TNNT3: variants seen among roughly 807,000 people sequenced by gnomAD.
The protein encoded by TNNT3 is troponin T3, fast skeletal type.
Under a neutral mutation model 54.2 loss-of-function variants are expected in TNNT3, and 36 were observed. That is an observed-to-expected ratio of 0.66 (90% CI 0.51 to 0.88). TNNT3 has a LOEUF of 0.88. TNNT3 is among the 40% of genes least tolerant of loss of function. The probability of loss-of-function intolerance (pLI) is 0.00; values close to 1 mark genes in which losing one functional copy is unlikely to be tolerated. For missense variants in TNNT3, 291 were observed against 331.6 expected (o/e 0.88, Z 0.95); for synonymous variants, 120 against 109.7 (o/e 1.09, Z -0.59).
At chr11:1,936,733 G>A (rs1855184457) in intron 14 of TNNT3, among the ~76,000 whole-genome samples, 1 of 152,224 alleles carries the variant, frequency 6.6e-6, no homozygotes, top group Non-Finnish European at 1.5e-5. Flanking sequence ...GGCAGTCCAG[G>A]CCAGTACAGG....
In TNNT3 at chr11:1,933,714, C is replaced by A; in HGVS notation, c.172-7C>A. The A allele has an allele frequency of 6.2e-7, 1 of 1,611,222 alleles. No individual in the cohort carries two copies. Among genetic ancestry groups the A allele is most frequent in the Non-Finnish European group, 8.5e-7 (1 of 1,178,404 alleles). ...GTGGGGCTCACACCCACTGCCCCTGCCCACAGGACATCCAGAAGAAGCGTC... is the reference window on the plus strand; with the variant it reads ...GTGGGGCTCACACCCACTGCCCCTGACCACAGGACATCCAGAAGAAGCGTC... On this transcript the variant is annotated splice_region_variant and splice_polypyrimidine_tract_variant and intron_variant, in intron 9 of 15. Transcript: ENST00000278317.
intron 4 of TNNT3, among the ~76,000 whole-genome samples, chr11:1,924,134 G>C (rs1850843153): frequency 6.6e-6 from 1 of 151,888 alleles, no homozygotes; most frequent in South Asian, 2.1e-4. Flanking sequence ...CTCTCTCTCA[G>C]TCTCTGTCTT....
chr11:1,923,149 G>A, intron 3 of TNNT3, 88 bp downstream of exon 3: 3 of 1,570,058 alleles, frequency 1.9e-6, no homozygotes, highest in Non-Finnish European at 2.6e-6. Flanking sequence ...CATACCCTGT[G>A]TCCCCTTGAC....
chr11:1,923,082 CT>C, intron 3 of TNNT3, 21 bp downstream of exon 3: 1 of 1,613,976 alleles, frequency 6.2e-7, no homozygotes, highest in Non-Finnish European at 8.5e-7. Context: ...CAGCCATTTT[CT>C]TTCTACTTCC....
chr11:1,937,725 G>A (rs887657719), intron 15 of TNNT3, among the ~76,000 whole-genome samples: 1 of 152,212 alleles, frequency 6.6e-6, no homozygotes, highest in Non-Finnish European at 1.5e-5. Context: ...TCCCTGCGGC[G>A]CCCAGGGCGG....
chr11:1,920,638 G>T (rs979655187), intron 1 of TNNT3, among the ~76,000 whole-genome samples: 1 of 152,256 alleles, frequency 6.6e-6, no homozygotes, highest in Admixed American at 6.5e-5. Context: ...AAGGGGCAGC[G>T]GCTTTTGCCT....
chr11:1,931,386 C>T (rs1290590858), intron 8 of TNNT3, among the ~76,000 whole-genome samples: 3 of 152,260 alleles, frequency 2.0e-5, no homozygotes, highest in Non-Finnish European at 2.9e-5. Flanking sequence ...TGGCCAACGC[C>T]GTCTCCTACG....
chr11:1,934,297 C>T, intron 11 of TNNT3, 35 bp from the exon 12 acceptor site: 2 of 1,585,078 alleles, frequency 1.3e-6, no homozygotes, highest in South Asian at 2.2e-5. Flanking sequence ...GCCCTCTCTC[C>T]ATCCCTGAGC....
At chr11:1,923,023 TTC>T (rs761277696) in intron 2 of TNNT3, 23 bp from the exon 3 acceptor site, 15 of 1,612,720 alleles carry the variant, frequency 9.3e-6, no homozygotes, top group Non-Finnish European at 6.8e-6. Flanking sequence ...CTCTCTTTCT[TTC>T]TCTCTCTCTC....
intron 14 of TNNT3, among the ~76,000 whole-genome samples, chr11:1,935,905 G>A (rs904742719): frequency 2.0e-5 from 3 of 152,162 alleles, no homozygotes; most frequent in African/African-American, 7.2e-5. Context: ...GACAGAGGCA[G>A]GGCGATTACA....
At chr11:1,929,086 T>C in intron 6 of TNNT3, 34 bp from the exon 7 acceptor site, 3 of 1,613,136 alleles carry the variant, frequency 1.9e-6, no homozygotes, top group Non-Finnish European at 2.5e-6. Context: ...GCTTTTCTCT[T>C]GCATGTGTGC....
Position 1,935,730 on chromosome 11 carries a change from G to A in TNNT3, c.681+811G>A, listed in dbSNP as rs561068010. The A allele has an allele frequency of 6.3e-5, 13 of 205,342 alleles. No individual in the cohort carries two copies. In the East Asian group the frequency reaches 8.3e-4, roughly 13 times the overall value. The allele number at this position is 205,342 out of a possible 1,614,324, so 12.7% of individuals were successfully genotyped here. Reference sequence around the variant, plus strand: ...GCCACGATGTCCACCCTCCAGCACCGCCAGAGGCCCCAGGGGAGGGCGGCT... The same window carrying A: ...GCCACGATGTCCACCCTCCAGCACCACCAGAGGCCCCAGGGGAGGGCGGCT... On this transcript the variant is annotated intron_variant, in intron 14 of 15. Coordinates refer to ENST00000278317, the MANE Select transcript of TNNT3 (RefSeq NM_006757.4).
At chr11:1,932,570 T>C (rs987552598) in intron 9 of TNNT3, 56 bp downstream of exon 9, 64 of 1,582,606 alleles carry the variant, frequency 4.0e-5, no homozygotes, top group Non-Finnish European at 5.3e-5. Context: ...CCCCAGCTTT[T>C]GGGCTCTAGG....
intron 15 of TNNT3, 107 bp downstream of exon 15, chr11:1,937,110 C>A: frequency 7.8e-7 from 1 of 1,277,840 alleles, no homozygotes. Flanking sequence ...CTCGGCAGGG[C>A]AGTAACGAGA....
rs200634106 is a variant in TNNT3 at position 1,925,073 on chromosome 11, C to T, written c.50-26C>T. 3,779 of 1,612,206 alleles carry T rather than the reference C, an allele frequency of 2.3e-3. 7 individuals are homozygous for T. Among genetic ancestry groups the T allele is most frequent in the Non-Finnish European group, 2.9e-3 (3,466 of 1,179,856 alleles). ...CTGTCTCCCTCAACCCCGCCTTCTC[C>T]TGCTCCTGGCTTCTCCGGCTCTCAG... On this transcript the variant is annotated intron_variant, in intron 4 of 15. Transcript: ENST00000278317.
rs747468615 is a variant in TNNT3, at chr11:1,934,634, A to T, written c.569A>T (p.His190Leu). Reference sequence around the variant, plus strand: ...AGACGCAAGCCGCTCAACATCGATCACCTTGGTGAAGACAAACTGAGGTGA... The same window carrying T: ...AGACGCAAGCCGCTCAACATCGATCTCCTTGGTGAAGACAAACTGAGGTGA... ...AERRKPLNID[H>L]LGEDKLRDKA... is the part of the protein sequence containing the mutation. Residue 190 changes from histidine (H) to leucine (L), a missense_variant, in exon 13 of 16, where the codon CAC becomes CTC. Transcript: ENST00000278317. The T allele has an allele frequency of 6.2e-7, 1 of 1,609,032 alleles. No individual in the cohort carries two copies. Among genetic ancestry groups the T allele is most frequent in the Non-Finnish European group, 8.5e-7 (1 of 1,178,124 alleles).
intron 8 of TNNT3, 49 bp from the exon 9 acceptor site, chr11:1,932,420 G>C: frequency 1.9e-6 from 3 of 1,586,056 alleles, no homozygotes; most frequent in Non-Finnish European, 2.6e-6. Flanking sequence ...TGACCCTCTG[G>C]GGTGGGTCTC....
chr11:1,932,350 C>T, intron 8 of TNNT3, 119 bp from the exon 9 acceptor site: 2 of 936,696 alleles, frequency 2.1e-6, no homozygotes, highest in Non-Finnish European at 3.5e-6. Flanking sequence ...GCATGCTTGG[C>T]TGGGGGCCAG....
chr11:1,921,785 G>C (rs550020269), intron 1 of TNNT3, among the ~76,000 whole-genome samples: 2 of 152,206 alleles, frequency 1.3e-5, no homozygotes, highest in Non-Finnish European at 2.9e-5. Context: ...TATTGTCTTC[G>C]AGTAATCTGT....
Sources: gnomAD v4.1 joint callset for allele counts (sites outside exome capture counted in the v4.1 genomes callset) on GRCh38, gnomAD v4.1.1 for gene constraint, MANE v1.5 for transcripts, NCBI Gene and HGNC (gene_info 2026-07-23, HGNC 2026-07-21) for gene names.